AP2A2: variants seen among roughly 807,000 people sequenced by gnomAD.
AP2A2 encodes AP-2 complex subunit alpha-2.
AP2A2 carries 32 observed loss-of-function variants against 104.2 expected under a neutral mutation model. That is an observed-to-expected ratio of 0.31 (90% CI 0.23 to 0.41). AP2A2 has a LOEUF of 0.41. AP2A2 is among the 10% of genes least tolerant of loss of function. The pLI is 1.00. For missense variants in AP2A2, 912 were observed against 1,261.0 expected, an observed-to-expected ratio of 0.72 and a Z score of 4.19; for synonymous variants, 539 against 533.3, an observed-to-expected ratio of 1.01 and a Z score of -0.15.
intron 1 of AP2A2, among the ~76,000 whole-genome samples, chr11:941,504 A>T (rs1853641444): frequency 6.6e-6 from 1 of 151,126 alleles, no homozygotes; most frequent in African/African-American, 2.4e-5. Flanking sequence ...CTGGTCCTGA[A>T]CTCCTGGCCT....
At chr11:947,811 A>G (rs371680958) in intron 1 of AP2A2, among the ~76,000 whole-genome samples, 4 of 152,044 alleles carry the variant, frequency 2.6e-5, no homozygotes, top group African/African-American at 9.7e-5. Context: ...AAAAAAAATT[A>G]GCCAGGCCCA....
intron 17 of AP2A2, 158 bp downstream of exon 17, chr11:1,006,775 T>C: frequency 3.3e-6 from 2 of 608,150 alleles, no homozygotes; most frequent in South Asian, 2.1e-5. Context: ...CCTATGGTGC[T>C]GGGCAGGAGA....
At chr11:972,405 C>T in intron 4 of AP2A2, 150 bp downstream of exon 4, 1 of 1,014,950 alleles carries the variant, frequency 9.9e-7, no homozygotes, top group Non-Finnish European at 1.4e-6. Context: ...TCCAGAATTA[C>T]AAGTTTAGGC....
chr11:942,166 A>G (rs1853672774), intron 1 of AP2A2: 1 of 152,216 alleles, frequency 6.6e-6, no homozygotes, highest in African/African-American at 2.4e-5. Flanking sequence ...TGACCTCGTG[A>G]TCTGCCCGCC....
intron 20 of AP2A2, 55 bp from the exon 21 acceptor site, chr11:1,009,628 A>G: frequency 6.9e-7 from 1 of 1,457,966 alleles, no homozygotes; most frequent in Middle Eastern, 2.2e-4. Context: ...GCCCCGGGGG[A>G]CACGCTGCCC....
chr11:959,217 C>G (rs2134561646), intron 1 of AP2A2, among the ~76,000 whole-genome samples: 1 of 152,316 alleles, frequency 6.6e-6, no homozygotes, highest in African/African-American at 2.4e-5. Context: ...CTGTCCTGAC[C>G]CAGGCACTCC....
intron 6 of AP2A2, among the ~76,000 whole-genome samples, chr11:983,503 C>T (rs1385472543): frequency 6.6e-6 from 1 of 152,086 alleles, no homozygotes; most frequent in Non-Finnish European, 1.5e-5. Flanking sequence ...CTGCCTCAGC[C>T]TCTCGAGTAG....
intron 14 of AP2A2, among the ~76,000 whole-genome samples, chr11:998,323 A>ACCCGCCCCCATTCTGATCC (rs1554892527): frequency 5.1e-4 from 39 of 77,152 alleles, no homozygotes; most frequent in African/African-American, 1.7e-3. Flanking sequence ...TCTGACTCTC[A>ACCCGCCCCCATTCTGATCC]CCCGCCCCCA....
At chr11:1,000,891 T>A (rs1395908763) in intron 15 of AP2A2, among the ~76,000 whole-genome samples, 1 of 152,214 alleles carries the variant, frequency 6.6e-6, no homozygotes, top group African/African-American at 2.4e-5. Context: ...TGATGTCCGA[T>A]CATGTTTCAG....
At chr11:972,366 T>A (rs1219104319) in intron 4 of AP2A2, 111 bp downstream of exon 4, 5 of 1,191,176 alleles carry the variant, frequency 4.2e-6, no homozygotes, top group Non-Finnish European at 4.6e-6. Flanking sequence ...CCCCATCTTA[T>A]GGGAGATGAG....
At chr11:970,779 G>A (rs979669462) in intron 3 of AP2A2, among the ~76,000 whole-genome samples, 22 of 152,314 alleles carry the variant, frequency 1.4e-4, no homozygotes, top group African/African-American at 5.1e-4. Flanking sequence ...AAGTAGACCC[G>A]TCCCGTGGTC....
At position 986,840 on chromosome 11, in the gene AP2A2, C is replaced by T. The variant is rs778682143; in HGVS notation, c.1018C>T (p.Arg340Cys). The T allele has an allele frequency of 6.8e-6, 11 of 1,612,848 alleles. No individual in the cohort carries two copies. Among genetic ancestry groups the T allele is most frequent in the East Asian group, 2.2e-5 (1 of 44,866 alleles). The change falls in exon 9 of 22, where the codon CGC (arginine) becomes TGC (cysteine). Residue 340 changes from arginine (R) to cysteine (C), a missense_variant. Arg to Cys is a radical substitution (Grantham distance 180). Around this residue, in one of 7 missense-constraint regions of AP2A2, gnomAD observed 350 missense variants for 487.0 expected, o/e 0.72. Coordinates refer to ENST00000448903, the MANE Select transcript of AP2A2 (RefSeq NM_012305.4). ...CNQLGQFLQH[R>C]ETNLRYLALE... ...CCAGTTGGGCCAGTTTCTGCAGCAC[C>T]GCGAGACCAACCTGCGCTACCTGGC...
intron 21 of AP2A2, 72 bp downstream of exon 21, chr11:1,009,889 G>C: frequency 6.7e-7 from 1 of 1,497,120 alleles, no homozygotes; most frequent in Middle Eastern, 1.7e-4. Context: ...GTGGTGAGAT[G>C]TGTAGCTCTT....
chr11:986,741 C>A, intron 8 of AP2A2, 44 bp from the exon 9 acceptor site: 1 of 1,598,328 alleles, frequency 6.3e-7, no homozygotes. Context: ...GTTTGTGTTG[C>A]ACTTGCTGAG....
At chr11:959,168 G>T (rs1302343757) in intron 1 of AP2A2, among the ~76,000 whole-genome samples, 1 of 152,202 alleles carries the variant, frequency 6.6e-6, no homozygotes, top group Non-Finnish European at 1.5e-5. Context: ...CCCTGGGTGC[G>T]CAGCGGCTGG....
chr11:999,223 G>A (rs1019286252), intron 14 of AP2A2, among the ~76,000 whole-genome samples: 2 of 152,160 alleles, frequency 1.3e-5, no homozygotes, highest in Admixed American at 6.5e-5. Context: ...TTGTGCCTTT[G>A]CCCCAGGATC....
At chr11:1,009,523 G>A (rs564230075) in intron 20 of AP2A2, 126 bp downstream of exon 20, 30 of 1,323,404 alleles carry the variant, frequency 2.3e-5, no homozygotes, top group South Asian at 2.8e-5. Context: ...GGACGGCCCC[G>A]GGGGACACGC....
At chr11:957,961 A>G (rs1854291476) in intron 1 of AP2A2, among the ~76,000 whole-genome samples, 1 of 152,230 alleles carries the variant, frequency 6.6e-6, no homozygotes, top group Non-Finnish European at 1.5e-5. Flanking sequence ...GTGGATATTT[A>G]CGGAACAAAT....
In AP2A2 at chr11:992,575, T is replaced by C. The variant is rs1855696253; in HGVS notation, c.1342T>C (p.Leu448=). 2.5e-6 allele frequency: 4 copies of C among 1,613,738 alleles called. No individual in the cohort carries two copies. Among genetic ancestry groups the C allele is most frequent in the Admixed American group, 3.3e-5 (2 of 59,966 alleles). ...CTGGTATGTGGATACCATCTTGAAC[T>C]TGATCCGAATTGCTGGTGATTACGT... is the stretch of plus-strand genomic sequence containing the variant. The part of the protein sequence containing the change: ...YTWYVDTILN[L]IRIAGDYVSE... Residue 448 remains leucine, a synonymous_variant, in exon 11 of 22, where the codon TTG becomes CTG. Transcript: ENST00000448903. This position sits in a 1 kb window ranked among gnomAD's most constrained non-coding sequence, Gnocchi z 6.4.
Sources: allele counts gnomAD v4.1 joint callset (sites outside exome capture counted in the v4.1 genomes callset), GRCh38; gene constraint gnomAD v4.1.1; regional missense constraint gnomAD v4.1.1; non-coding constraint Gnocchi (gnomAD v3.1); transcripts MANE v1.5; gene names NCBI Gene and HGNC (gene_info 2026-07-23, HGNC 2026-07-21).